STOX1: variants seen among roughly 807,000 people sequenced by gnomAD.
The protein encoded by STOX1 is storkhead-box protein 1.
In STOX1, 57 loss-of-function variants were observed where a neutral mutation model predicts 74.8. The observed-to-expected ratio is 0.76, with a 90% CI of 0.62 to 0.95. The LOEUF is 0.95. Ranked by LOEUF, STOX1 falls within the 40% of genes least tolerant of loss-of-function variation. The pLI, the probability that STOX1 is intolerant of heterozygous loss-of-function variation, is 0.00. For synonymous variants in STOX1, 375 were observed against 401.3 expected, an observed-to-expected ratio of 0.93 and a Z score of 0.78; for missense variants, 1,010 against 1,117.0, an observed-to-expected ratio of 0.90 and a Z score of 1.37.
intron 1 of STOX1, among the ~76,000 whole-genome samples, chr10:68,834,905 G>A (rs1839504546): frequency 6.6e-6 from 1 of 151,978 alleles, no homozygotes. Flanking sequence ...TGTATTTTTA[G>A]TAGAGACGGG....
chr10:68,840,249 A>G (rs1839659886), intron 1 of STOX1, among the ~76,000 whole-genome samples: 1 of 152,250 alleles, frequency 6.6e-6, no homozygotes, highest in Non-Finnish European at 1.5e-5. Context: ...GAAAAGCTTA[A>G]TGACATAGAT....
chr10:68,861,898 A>G (rs1429795279), intron 1 of STOX1, among the ~76,000 whole-genome samples: 1 of 152,008 alleles, frequency 6.6e-6, no homozygotes, highest in African/African-American at 2.4e-5. Flanking sequence ...TTTTCTATTC[A>G]TGCTCTGATT....
intron 1 of STOX1, among the ~76,000 whole-genome samples, chr10:68,856,488 G>A (rs1025576435): frequency 2.6e-5 from 4 of 152,150 alleles, no homozygotes; most frequent in East Asian, 1.9e-4. Context: ...CGTCTCCCAC[G>A]TGGGCACGAG....
Position 68,886,618 on chromosome 10 carries a change from G to C in STOX1, c.2822G>C (p.Arg941Pro), listed in dbSNP as rs377653796. 1.4e-5 allele frequency: 22 copies of C among 1,613,512 alleles called. No homozygotes were observed. Among genetic ancestry groups the C allele is most frequent in the South Asian group, 9.9e-5 (9 of 91,006 alleles). The change falls in exon 3 of 4, where the codon CGG becomes CCG. Residue 941 changes from arginine (R) to proline (P), a missense_variant and splice_region_variant. Transcript: ENST00000298596. Reference protein sequence around the residue: ...MAGDSGIDSPRTQSLGSNNSV... With the variant: ...MAGDSGIDSPPTQSLGSNNSV... The stretch of plus-strand genomic sequence containing the variant: ...GGAGATAGTGGAATAGATTCTCCAC[G>C]GTAGGTCCATACAAAAGTGTCTGAT...
chr10:68,848,105 T>C (rs16925839), intron 1 of STOX1, among the ~76,000 whole-genome samples: 67,592 of 152,058 alleles, frequency 0.44, 15,410 homozygotes, highest in Middle Eastern at 0.51. Context: ...TTCCTTTAGT[T>C]GTTGATCAAG....
At chr10:68,849,207 G>A (rs149244156) in intron 1 of STOX1, among the ~76,000 whole-genome samples, 1 of 152,204 alleles carries the variant, frequency 6.6e-6, no homozygotes, top group Non-Finnish European at 1.5e-5. Flanking sequence ...GTTCAACCAG[G>A]CATTATTGGC....
At chr10:68,865,244 G>A (rs985625974) in intron 1 of STOX1, among the ~76,000 whole-genome samples, 10 of 152,234 alleles carry the variant, frequency 6.6e-5, no homozygotes, top group Admixed American at 5.9e-4. Flanking sequence ...CAATGAAAAT[G>A]CTTAGCAGGC....
In STOX1 at chr10:68,886,612, C is replaced by T. The variant is rs778097501; in HGVS notation, c.2816C>T (p.Ser939Phe). ...ATGGCAGGAGATAGTGGAATAGATT[C>T]TCCACGGTAGGTCCATACAAAAGTG... The part of the protein sequence containing the change: ...HSMAGDSGID[S>F]PRTQSLGSNN... The change falls in exon 3 of 4, where the codon TCT becomes TTT. Residue 939 changes from serine to phenylalanine, a missense_variant. By Grantham distance (155) the Ser-to-Phe change is radical. Coordinates refer to ENST00000298596, the MANE Select transcript of STOX1 (RefSeq NM_152709.5). 92 of 1,613,768 alleles carry T rather than the reference C, an allele frequency of 5.7e-5. No homozygotes were observed. The highest frequency in any genetic ancestry group is 7.5e-5 in the Non-Finnish European group (89 of 1,179,922).
chr10:68,866,945 GTTTTT>G (rs71474450), intron 1 of STOX1, among the ~76,000 whole-genome samples: 1 of 124,992 alleles, frequency 8.0e-6, no homozygotes, highest in Non-Finnish European at 1.7e-5. Context: ...TGCTTTCCTT[GTTTTT>G]TTTTTTTTTT....
Position 68,884,685 on chromosome 10 carries a change from A to C in STOX1, c.889A>C (p.Lys297Gln). Reference protein sequence around the residue: ...SAEHHICESTKPLPYTRDKEK... With the variant: ...SAEHHICESTQPLPYTRDKEK... ...GGAGCACCACATTTGTGAGAGCACCAAACCTTTACCATACACAAGAGATAA... is the reference window on the plus strand; with the variant it reads ...GGAGCACCACATTTGTGAGAGCACCCAACCTTTACCATACACAAGAGATAA... Residue 297 changes from lysine (K) to glutamine (Q), a missense_variant, in exon 3 of 4, where the codon AAA becomes CAA. By Grantham distance (53) the Lys-to-Gln change is moderately conservative. Transcript: ENST00000298596. 1 of 1,614,214 alleles carries C rather than the reference A, an allele frequency of 6.2e-7. No homozygotes were observed. Among genetic ancestry groups the C allele is most frequent in the Non-Finnish European group, 8.5e-7 (1 of 1,180,042 alleles).
chr10:68,847,227 TGAG>T (rs1185663405), intron 1 of STOX1, among the ~76,000 whole-genome samples: 1 of 152,082 alleles, frequency 6.6e-6, no homozygotes, highest in African/African-American at 2.4e-5. Context: ...CAAAATCCCT[TGAG>T]GAGAATTAGA....
rs191378117 is a variant in STOX1, at chr10:68,831,312, C to T, written c.310+3379C>T. Among the ~76,000 whole-genome samples the T allele has an allele frequency of 2.9e-3, 439 of 152,050 alleles. 7 individuals are homozygous for T. Among genetic ancestry groups the T allele is most frequent in the African/African-American group, 9.9e-3 (411 of 41,464 alleles). ...ATGCAATTCTCCTGCCTCAGCATCC[C>T]GGTAGCTGGGATGACAGGTGCCCGC... On this transcript the variant is annotated intron_variant, in intron 1 of 3. Coordinates refer to ENST00000298596, the MANE Select transcript of STOX1 (RefSeq NM_152709.5).
chr10:68,830,968 G>A (rs996967538), intron 1 of STOX1, among the ~76,000 whole-genome samples: 4 of 152,140 alleles, frequency 2.6e-5, no homozygotes, highest in Non-Finnish European at 4.4e-5. Context: ...GGAGGGTGGC[G>A]AAGGCAGGAG....
At chr10:68,831,597 A>G (rs1035123948) in intron 1 of STOX1, among the ~76,000 whole-genome samples, 3 of 152,168 alleles carry the variant, frequency 2.0e-5, no homozygotes, top group Non-Finnish European at 2.9e-5. Flanking sequence ...GGTCAGCTTT[A>G]TAAGTCCAAC....
chr10:68,880,974 C>A (rs1429417071), intron 1 of STOX1, among the ~76,000 whole-genome samples: 1 of 152,142 alleles, frequency 6.6e-6, no homozygotes, highest in Non-Finnish European at 1.5e-5. Context: ...GATTACAGTC[C>A]TGAGCCACCA....
intron 1 of STOX1, among the ~76,000 whole-genome samples, chr10:68,835,293 C>T (rs192833368): frequency 6.6e-6 from 1 of 150,588 alleles, no homozygotes; most frequent in African/African-American, 2.4e-5. Flanking sequence ...CTGCCCGCCT[C>T]GGCCTCCCAA....
At chr10:68,831,187 A>C (rs1030151443) in intron 1 of STOX1, among the ~76,000 whole-genome samples, 1 of 151,726 alleles carries the variant, frequency 6.6e-6, no homozygotes, top group African/African-American at 2.4e-5. Context: ...ATATTTATTT[A>C]TCTATTTATT....
chr10:68,887,595 CTTT>C (rs71028802), intron 3 of STOX1, among the ~76,000 whole-genome samples: 42 of 116,404 alleles, frequency 3.6e-4, no homozygotes, highest in Admixed American at 3.6e-4. Context: ...TATTTTCTTT[CTTT>C]TTTTTTTTTT....
At chr10:68,868,086 CCTTCGATCCGG>C in intron 1 of STOX1, among the ~76,000 whole-genome samples, 1 of 152,356 alleles carries the variant, frequency 6.6e-6, no homozygotes, top group South Asian at 2.1e-4. Context: ...CTCTGGCGAC[CCTTCGATCCGG>C]GTTCGAGCCC....
Sources: allele counts gnomAD v4.1 joint callset (sites outside exome capture counted in the v4.1 genomes callset), GRCh38; gene constraint gnomAD v4.1.1; transcripts MANE v1.5; gene names NCBI Gene and HGNC (gene_info 2026-07-23, HGNC 2026-07-21).